PHYKPL: variants seen among roughly 807,000 people sequenced by gnomAD.
PHYKPL encodes the protein 5-phosphonooxy-L-lysine phospho-lyase.
PHYKPL carries 42 observed loss-of-function variants against 51.3 expected under a neutral mutation model. That is an observed-to-expected ratio of 0.82 (90% CI 0.64 to 1.06). PHYKPL has a LOEUF of 1.06. Ranked by LOEUF, PHYKPL falls within the 50% of genes least tolerant of loss-of-function variation. The probability of loss-of-function intolerance (pLI) is 0.00; values close to 1 mark genes in which losing one functional copy is unlikely to be tolerated. For missense variants in PHYKPL, 655 were observed against 586.6 expected, an observed-to-expected ratio of 1.12 and a Z score of -1.20; for synonymous variants, 264 against 236.0, an observed-to-expected ratio of 1.12 and a Z score of -1.09.
At chr5:178,226,722 C>G (rs528534341) in intron 3 of PHYKPL, 1 of 151,938 alleles carries the variant, frequency 6.6e-6, no homozygotes, top group Non-Finnish European at 1.5e-5. Flanking sequence ...TATGACCCAC[C>G]ATCAGAAAGG....
At chr5:178,212,108 A>T in intron 11 of PHYKPL, 138 bp from the exon 12 acceptor site, 2 of 836,748 alleles carry the variant, frequency 2.4e-6, no homozygotes, top group Non-Finnish European at 3.8e-6. Context: ...CATTCCCCAA[A>T]GGGGTGGCAG....
intron 10 of PHYKPL, among the ~76,000 whole-genome samples, chr5:178,213,704 T>C (rs1002861860): frequency 3.3e-5 from 5 of 152,264 alleles, no homozygotes; most frequent in Admixed American, 1.3e-4. Context: ...TCTTTGATCA[T>C]TGTTCCCCTT....
chr5:178,225,599 G>T, intron 3 of PHYKPL, 170 bp from the exon 4 acceptor site: 1 of 628,712 alleles, frequency 1.6e-6, no homozygotes. Context: ...TGTACTAGAA[G>T]CTGGGGGAAA....
intron 6 of PHYKPL, 105 bp from the exon 7 acceptor site, chr5:178,223,039 A>G: frequency 9.6e-7 from 1 of 1,042,402 alleles, no homozygotes; most frequent in South Asian, 1.4e-5. Flanking sequence ...AGTCACCATC[A>G]GTGCTGCACC....
chr5:178,210,448 C>T, intron 12 of PHYKPL: 1 of 1,486,200 alleles, frequency 6.7e-7, no homozygotes, highest in Non-Finnish European at 9.3e-7. Flanking sequence ...GGAAGGCAGT[C>T]TCTGCTGTCA....
chr5:178,224,273 T>C, intron 6 of PHYKPL, 175 bp downstream of exon 6: 1 of 704,638 alleles, frequency 1.4e-6, no homozygotes. Context: ...ACCACGCCCA[T>C]GCTAGGCCGT....
Position 178,232,383 on chromosome 5 carries a change from GGCTTCCTAGCCGGA to G in PHYKPL, c.59+95_59+108del, listed in dbSNP as rs1353722548. The G allele has an allele frequency of 3.8e-6, 5 of 1,317,874 alleles. No homozygotes were observed. The East Asian group carries it at 1.3e-4, about 34-fold the overall frequency. The allele number at this position is 1,317,874 out of a possible 1,614,324, so 81.6% of individuals were successfully genotyped here. A position where few individuals can be genotyped will look rare whatever the true frequency, so the allele number is the denominator to read the frequency against. The stretch of plus-strand genomic sequence containing the variant: ...GCGGCCGGACGGGATGGGTAGCAGC[GGCTTCCTAGCCGGA>G]GGCGCGTGCGTAGTGCGTGCGTGCG... On this transcript the variant is annotated intron_variant, in intron 1 of 12. Transcript: ENST00000308158.
rs754423806 is a variant in PHYKPL at position 178,214,856 on chromosome 5, A to C, written c.1112T>G (p.Leu371Arg). The C allele has an allele frequency of 6.2e-7, 1 of 1,613,762 alleles. No individual in the cohort carries two copies. Among genetic ancestry groups the C allele is most frequent in the Admixed American group, 1.7e-5 (1 of 60,018 alleles). ...RGVGLFIGVD[L>R]IKDEATRTPA... ...TGTCCTTGTGGCCTCATCTTTGATC[A>C]GATCCACACCAATGAAGAGCCCAAC... The change falls in exon 10 of 13, where the codon CTG becomes CGG. Residue 371 changes from leucine (L) to arginine (R), a missense_variant. Leu to Arg is a moderately radical substitution (Grantham distance 102). Transcript: ENST00000308158.
Position 178,222,411 on chromosome 5 carries a change from C to T in PHYKPL, c.871G>A (p.Ala291Thr), listed in dbSNP as rs1404301247. The T allele has an allele frequency of 1.1e-5, 17 of 1,614,086 alleles. No homozygotes were observed. In the African/African-American group the frequency reaches 1.3e-4, roughly 13 times the overall value. Residue 291 changes from alanine (A) to threonine (T), a missense_variant, in exon 8 of 13, where the codon GCA (alanine) becomes ACA (threonine). Ala to Thr is a moderately conservative substitution (Grantham distance 58, BLOSUM62 0). Transcript: ENST00000308158. ...AATGCCCTCGCCACAGGCTGGGTTG[C>T]GGCCACGCAGGCAACAGGGTGGCCG... is the stretch of plus-strand genomic sequence containing the variant. Reference protein sequence around the residue: ...GNGHPVACVAATQPVARAFEA... With the variant: ...GNGHPVACVATTQPVARAFEA...
Position 178,224,456 on chromosome 5 carries a change from C to T in PHYKPL, c.610G>A (p.Gly204Ser). The T allele has an allele frequency of 6.3e-7, 1 of 1,582,330 alleles. No individual in the cohort carries two copies. The highest frequency in any genetic ancestry group is 1.2e-5 in the South Asian group (1 of 85,452). ...GGCGCGGACACGGTTACCTTCCTGC[C>T]CTTCTCCTGTGCACTGCTGACCACA... ...KRVVSSAQEKGRKIAAFFAES... is the reference protein window; with the variant it reads ...KRVVSSAQEKSRKIAAFFAES... Residue 204 changes from glycine to serine, a missense_variant, in exon 6 of 13, where the codon GGC becomes AGC. Coordinates refer to ENST00000308158, the MANE Select transcript of PHYKPL (RefSeq NM_153373.4).
At chr5:178,232,363 C>G (rs1763660678) in intron 1 of PHYKPL, 129 bp downstream of exon 1, 5 of 1,291,906 alleles carry the variant, frequency 3.9e-6, no homozygotes, top group South Asian at 4.7e-5. Flanking sequence ...GGGCAGCGGC[C>G]GGACGGGATG....
At position 178,222,366 on chromosome 5, in the gene PHYKPL, A is replaced by G. The variant is rs1203079851; in HGVS notation, c.916T>C (p.Tyr306His). The change falls in exon 8 of 13, where the codon TAC becomes CAC. Residue 306 changes from tyrosine to histidine, a missense_variant. Physicochemically the swap from Tyr to His is moderately conservative, Grantham distance 83. Transcript: ENST00000308158. ...GAGCCATCACTCACCGTGTTGAAGTACTCAACGCCGGTGGCTTCAAATGCC... is the reference window on the plus strand; with the variant it reads ...GAGCCATCACTCACCGTGTTGAAGTGCTCAACGCCGGTGGCTTCAAATGCC... ...ARAFEATGVE[Y>H]FNTFGGSPVS... is the part of the protein sequence containing the mutation. 3 of 1,612,538 alleles carry G rather than the reference A, an allele frequency of 1.9e-6. No homozygotes were observed. Among genetic ancestry groups the G allele is most frequent in the Admixed American group, 3.3e-5 (2 of 59,956 alleles).
At chr5:178,207,614 T>C (rs969730849), downstream of PHYKPL, among the ~76,000 whole-genome samples, 1 of 151,472 alleles carries the variant, frequency 6.6e-6, no homozygotes, top group African/African-American at 2.4e-5. Context: ...TCCTCTGTGG[T>C]GAAGTTTTTC....
chr5:178,226,961 G>A (rs1762417019), intron 3 of PHYKPL, among the ~76,000 whole-genome samples: 2 of 144,800 alleles, frequency 1.4e-5, no homozygotes, highest in African/African-American at 2.7e-5. Flanking sequence ...ACACACACAC[G>A]CCACCACAAA....
intron 8 of PHYKPL, among the ~76,000 whole-genome samples, chr5:178,220,909 A>G (rs547244016): frequency 1.3e-5 from 2 of 152,330 alleles, no homozygotes; most frequent in African/African-American, 2.4e-5. Context: ...GAGTATATAC[A>G]GCATGATAGA....
At chr5:178,222,287 A>C in intron 8 of PHYKPL, 68 bp downstream of exon 8, 1 of 1,403,070 alleles carries the variant, frequency 7.1e-7, no homozygotes. Flanking sequence ...TTGCTGACTA[A>C]GGACAGGCTG....
intron 3 of PHYKPL, chr5:178,225,742 GACTT>G: frequency 2.9e-6 from 1 of 343,106 alleles, no homozygotes; most frequent in Non-Finnish European, 5.6e-6. Context: ...CAACACAGAA[GACTT>G]CTGTGACTCC....
chr5:178,215,377 C>T lies in PHYKPL; in HGVS notation c.981G>A (p.Leu327=). ...CATGATCCTGGAGCTGCTCCTTCTCCAAGACATTCAGGACGGCCAGCCCCA... is the reference window on the plus strand; with the variant it reads ...CATGATCCTGGAGCTGCTCCTTCTCTAAGACATTCAGGACGGCCAGCCCCA... ...CAVGLAVLNV[L]EKEQLQDHAT... is the part of the protein sequence containing the mutation. Residue 327 remains leucine (L), a synonymous_variant, in exon 9 of 13, where the codon TTG becomes TTA. Transcript: ENST00000308158. 2.5e-6 allele frequency: 4 copies of T among 1,613,982 alleles called. No homozygotes were observed. Among genetic ancestry groups the T allele is most frequent in the East Asian group, 4.5e-5 (2 of 44,878 alleles).
intron 12 of PHYKPL, chr5:178,210,224 G>T (rs199566621): frequency 6.2e-7 from 1 of 1,613,268 alleles, no homozygotes; most frequent in Non-Finnish European, 8.5e-7. Context: ...TGGCGGCTAC[G>T]ACTACTCGCC....
Sources: gnomAD v4.1 joint callset for allele counts (sites outside exome capture counted in the v4.1 genomes callset) on GRCh38, gnomAD v4.1.1 for gene constraint, MANE v1.5 for transcripts, NCBI Gene and HGNC (gene_info 2026-07-23, HGNC 2026-07-21) for gene names.